The following FHIT variants were observed in gnomAD, a reference collection of about 807,000 sequenced individuals.
FHIT encodes the protein fragile histidine triad diadenosine triphosphatase, also known as bis(5'-adenosyl)-triphosphatase.
A neutral mutation model predicts 17.9 loss-of-function variants in FHIT; 19 were observed. The observed-to-expected ratio is 1.06, with a 90% CI of 0.74 to 1.56. FHIT has a LOEUF of 1.56. FHIT is among the 40% of genes most tolerant of loss of function. The pLI is 0.00. For missense variants in FHIT, 248 were observed against 189.2 expected, an observed-to-expected ratio of 1.31 and a Z score of -1.82; for synonymous variants, 81 against 69.7, an observed-to-expected ratio of 1.16 and a Z score of -0.81.
At chr3:60,955,389 G>A (rs1553778385) in intron 3 of FHIT, among the ~76,000 whole-genome samples, 1 of 151,914 alleles carries the variant, frequency 6.6e-6, no homozygotes, top group African/African-American at 2.4e-5. Context: ...TAGTTCTGGG[G>A]TGAATAGTAC....
chr3:61,124,648 T>C (rs2036556486), intron 2 of FHIT, among the ~76,000 whole-genome samples: 1 of 152,172 alleles, frequency 6.6e-6, no homozygotes, highest in Non-Finnish European at 1.5e-5. Flanking sequence ...CATGGACAAA[T>C]ACTCTTTCGC....
intron 5 of FHIT, among the ~76,000 whole-genome samples, chr3:60,487,539 C>T (rs1444828364): frequency 6.6e-6 from 1 of 152,160 alleles, no homozygotes; most frequent in Non-Finnish European, 1.5e-5. Flanking sequence ...GAACAAAATG[C>T]AGATCTTTGG....
intron 3 of FHIT, among the ~76,000 whole-genome samples, chr3:60,863,038 G>A (rs187501051): frequency 6.6e-6 from 1 of 152,048 alleles, no homozygotes; most frequent in Non-Finnish European, 1.5e-5. Context: ...ATAAGTGGAA[G>A]GTGGAAGAAT....
intron 5 of FHIT, among the ~76,000 whole-genome samples, chr3:60,457,978 G>A (rs533069401): frequency 1.3e-5 from 2 of 152,304 alleles, no homozygotes; most frequent in Non-Finnish European, 2.9e-5. Flanking sequence ...CTTTTACACT[G>A]TTGGTAGGAA....
At chr3:60,859,574 A>G (rs994405905) in intron 3 of FHIT, among the ~76,000 whole-genome samples, 1 of 150,980 alleles carries the variant, frequency 6.6e-6, no homozygotes, top group African/African-American at 2.4e-5. Context: ...TCTAGACTCT[A>G]CTCCTCACTC....
At chr3:60,078,994 A>C (rs1051954794) in intron 5 of FHIT, among the ~76,000 whole-genome samples, 2 of 152,058 alleles carry the variant, frequency 1.3e-5, no homozygotes, top group South Asian at 2.1e-4. Context: ...CTGTACCATA[A>C]AGTGTTCTTG....
chr3:60,867,827 T>A (rs1160122904), intron 3 of FHIT, among the ~76,000 whole-genome samples: 1 of 152,158 alleles, frequency 6.6e-6, no homozygotes, highest in Non-Finnish European at 1.5e-5. Flanking sequence ...CCTGACAACT[T>A]TTTTTGGGCA....
At chr3:60,860,803 A>T (rs370033021) in intron 3 of FHIT, among the ~76,000 whole-genome samples, 749 of 3,508 alleles carry the variant, frequency 0.21, 327 homozygotes, top group South Asian at 0.68. Flanking sequence ...ATACATATGT[A>T]CATATATATC....
intron 5 of FHIT, among the ~76,000 whole-genome samples, chr3:60,280,412 C>T (rs2107645661): frequency 6.6e-6 from 1 of 152,248 alleles, no homozygotes; most frequent in South Asian, 2.1e-4. Flanking sequence ...GTAGCTGTAA[C>T]TAAATTAAGA....
intron 5 of FHIT, among the ~76,000 whole-genome samples, chr3:60,353,157 A>G (rs1699494563): frequency 6.6e-6 from 1 of 152,290 alleles, no homozygotes; most frequent in African/African-American, 2.4e-5. Context: ...CCCCTTCTTC[A>G]GACTTAACCT....
At chr3:60,947,970 C>T (rs1708709363) in intron 3 of FHIT, among the ~76,000 whole-genome samples, 2 of 152,100 alleles carry the variant, frequency 1.3e-5, no homozygotes, top group African/African-American at 4.8e-5. Flanking sequence ...ACTCTTTAGC[C>T]CATAGAGGGG....
chr3:60,805,174 T>C (rs1480982751), intron 4 of FHIT, among the ~76,000 whole-genome samples: 1 of 152,130 alleles, frequency 6.6e-6, no homozygotes, highest in Non-Finnish European at 1.5e-5. Flanking sequence ...AAATTAAGAG[T>C]TGTATTTAAC....
intron 3 of FHIT, among the ~76,000 whole-genome samples, chr3:60,918,987 TA>T (rs1405353040): frequency 6.6e-6 from 1 of 151,730 alleles, no homozygotes; most frequent in East Asian, 1.9e-4. Context: ...CTTCTATGGG[TA>T]AAAAAAAGGG....
intron 8 of FHIT, among the ~76,000 whole-genome samples, chr3:59,872,308 C>T (rs933634723): frequency 2.0e-5 from 3 of 152,020 alleles, no homozygotes; most frequent in Non-Finnish European, 4.4e-5. Flanking sequence ...AAGAAACAAC[C>T]CTAAAGCAGA....
chr3:61,213,044 C>G (rs1172765052), intron 1 of FHIT, among the ~76,000 whole-genome samples: 9 of 152,192 alleles, frequency 5.9e-5, no homozygotes, highest in Admixed American at 2.0e-4. Flanking sequence ...CCAGCCACTG[C>G]AAAATCATGC....
chr3:61,054,711 A>G (rs1033375308), intron 2 of FHIT, among the ~76,000 whole-genome samples: 2 of 152,140 alleles, frequency 1.3e-5, no homozygotes, highest in Non-Finnish European at 2.9e-5. Flanking sequence ...CTCTGTGCCT[A>G]AGAGAACACT....
chr3:60,884,767 T>TA (rs1221021710), intron 3 of FHIT, among the ~76,000 whole-genome samples: 2 of 151,606 alleles, frequency 1.3e-5, no homozygotes, highest in Non-Finnish European at 2.9e-5. Context: ...TCTATCTCTA[T>TA]AAAAAAATTA....
chr3:61,001,116 A>C (rs1433397638), intron 3 of FHIT, among the ~76,000 whole-genome samples: 1 of 152,214 alleles, frequency 6.6e-6, no homozygotes, highest in African/African-American at 2.4e-5. Flanking sequence ...ATATTGTTAC[A>C]TATCTATCAG....
intron 8 of FHIT, among the ~76,000 whole-genome samples, chr3:59,812,406 C>A (rs945613724): frequency 6.6e-6 from 1 of 152,152 alleles, no homozygotes; most frequent in Non-Finnish European, 1.5e-5. Context: ...TGGAAGAAGT[C>A]GGCACACTCA....
Sources: allele counts gnomAD v4.1 joint callset (sites outside exome capture counted in the v4.1 genomes callset), GRCh38; gene constraint gnomAD v4.1.1; transcripts MANE v1.5; gene names NCBI Gene and HGNC (gene_info 2026-07-23, HGNC 2026-07-21).